Variants in SLC4A4 observed in about 807,000 individuals in gnomAD.
The protein encoded by SLC4A4 is solute carrier family 4 member 4, also known as electrogenic sodium bicarbonate cotransporter 1.
In SLC4A4, 27 loss-of-function variants were observed where a neutral mutation model predicts 111.5. That is an observed-to-expected ratio of 0.24 (90% CI 0.18 to 0.33). The LOEUF is 0.33. Among genes scored for constraint, SLC4A4 ranks in the 10% least tolerant of loss-of-function variants. The pLI is 1.00. For synonymous variants in SLC4A4, 443 were observed against 463.4 expected (o/e 0.96, Z 0.57); for missense variants, 909 against 1,315.5 (o/e 0.69, Z 4.78).
upstream of SLC4A4, among the ~76,000 whole-genome samples, chr4:71,184,642 C>T (rs931472638): frequency 1.3e-5 from 2 of 152,040 alleles, no homozygotes; most frequent in African/African-American, 4.8e-5. Flanking sequence ...CTGTGTGAAC[C>T]CCAAGACAAA....
intron 7 of SLC4A4, among the ~76,000 whole-genome samples, chr4:71,421,270 C>G (rs1443007732): frequency 6.6e-6 from 1 of 152,148 alleles, no homozygotes; most frequent in East Asian, 1.9e-4. Context: ...GAGATTAATT[C>G]AACAAGAAGA....
At chr4:71,529,259 A>T (rs1733709090) in intron 16 of SLC4A4, among the ~76,000 whole-genome samples, 1 of 152,146 alleles carries the variant, frequency 6.6e-6, no homozygotes, top group Non-Finnish European at 1.5e-5. Flanking sequence ...TTTGCATAGT[A>T]AAATTCACAG....
At chr4:71,121,780 C>G (rs28455161) in intron 2 of SLC4A4, among the ~76,000 whole-genome samples, 1 of 152,180 alleles carries the variant, frequency 6.6e-6, no homozygotes, top group Non-Finnish European at 1.5e-5. Context: ...TCACCTTCCA[C>G]GTTGTGGAAG....
intron 1 of SLC4A4, among the ~76,000 whole-genome samples, chr4:71,202,253 G>A (rs1280831617): frequency 1.3e-5 from 2 of 152,112 alleles, no homozygotes; most frequent in Non-Finnish European, 2.9e-5. Flanking sequence ...TAGAAATTTG[G>A]TTTTGATTCA....
At chr4:71,212,553 A>G (rs113766615) in intron 1 of SLC4A4, among the ~76,000 whole-genome samples, 8,315 of 152,286 alleles carry the variant, frequency 0.055, 761 homozygotes, top group African/African-American at 0.19. Context: ...AATCCACAGG[A>G]CAGAGGCACA....
chr4:71,401,743 G>C (rs989949951), intron 7 of SLC4A4, among the ~76,000 whole-genome samples: 1 of 152,122 alleles, frequency 6.6e-6, no homozygotes, highest in African/African-American at 2.4e-5. Flanking sequence ...GTGCTTAGTG[G>C]TGCAATGGCT....
chr4:71,427,393 T>C (rs1021053516), intron 7 of SLC4A4, among the ~76,000 whole-genome samples: 1 of 152,128 alleles, frequency 6.6e-6, no homozygotes, highest in Non-Finnish European at 1.5e-5. Flanking sequence ...GTCAATGATA[T>C]AATATTTTTA....
At chr4:71,511,879 G>A (rs527850244) in intron 16 of SLC4A4, among the ~76,000 whole-genome samples, 17 of 152,036 alleles carry the variant, frequency 1.1e-4, no homozygotes, top group East Asian at 3.9e-4. Context: ...ATGTCTTTCC[G>A]TGCCTGACTT....
intron 2 of SLC4A4, among the ~76,000 whole-genome samples, chr4:71,095,219 C>T (rs1742507430): frequency 6.6e-6 from 1 of 152,154 alleles, no homozygotes; most frequent in South Asian, 2.1e-4. Context: ...ACCTAGAAAA[C>T]TGTAAGTAAA....
chr4:71,137,830 A>G (rs977777057), intron 2 of SLC4A4, among the ~76,000 whole-genome samples: 1 of 152,194 alleles, frequency 6.6e-6, no homozygotes, highest in African/African-American at 2.4e-5. Context: ...TTTTGCTCAC[A>G]AGTATAAAGA....
intron 7 of SLC4A4, among the ~76,000 whole-genome samples, chr4:71,421,703 C>T (rs1462324486): frequency 6.6e-6 from 1 of 152,194 alleles, no homozygotes; most frequent in Non-Finnish European, 1.5e-5. Context: ...CCCTCAACTT[C>T]ATGGAAACTG....
chr4:71,280,416 T>C (rs1429764862), intron 3 of SLC4A4, among the ~76,000 whole-genome samples: 1 of 152,242 alleles, frequency 6.6e-6, no homozygotes, highest in African/African-American at 2.4e-5. Flanking sequence ...GTCCCATGTA[T>C]TTATTTTTGC....
At chr4:71,339,194 G>A in intron 3 of SLC4A4, 176 bp from the exon 4 acceptor site, 1 of 1,614,026 alleles carries the variant, frequency 6.2e-7, no homozygotes, top group Non-Finnish European at 8.5e-7. Context: ...AATAGAGAAG[G>A]GCTTTGATTT....
At chr4:71,472,561 C>A in intron 13 of SLC4A4, 138 bp from the exon 14 acceptor site, 1 of 831,068 alleles carries the variant, frequency 1.2e-6, no homozygotes, top group Admixed American at 2.3e-5. Context: ...TGCTTTCTGG[C>A]TAAAGTAGAG....
At chr4:71,179,079 T>C (rs565983504) in intron 2 of SLC4A4, among the ~76,000 whole-genome samples, 5 of 152,280 alleles carry the variant, frequency 3.3e-5, no homozygotes, top group South Asian at 4.1e-4. Flanking sequence ...TAATCCAGCA[T>C]ATAAACAGAA....
At chr4:71,281,048 G>A (rs1355134677) in intron 3 of SLC4A4, among the ~76,000 whole-genome samples, 1 of 152,128 alleles carries the variant, frequency 6.6e-6, no homozygotes, top group Non-Finnish European at 1.5e-5. Context: ...TTGAGCAGCT[G>A]AATCTTTACA....
At chr4:71,297,223 G>C (rs1724862618) in intron 3 of SLC4A4, among the ~76,000 whole-genome samples, 1 of 152,136 alleles carries the variant, frequency 6.6e-6, no homozygotes, top group Non-Finnish European at 1.5e-5. Context: ...ACTGTGCCCT[G>C]CCCAGAGGCA....
intron 2 of SLC4A4, among the ~76,000 whole-genome samples, chr4:71,125,538 C>T (rs1171107067): frequency 2.6e-5 from 4 of 152,166 alleles, no homozygotes; most frequent in African/African-American, 4.8e-5. Context: ...CCAGCCTGGG[C>T]GACAGAGCCA....
At chr4:71,529,945 A>G (rs554566799) in intron 16 of SLC4A4, among the ~76,000 whole-genome samples, 2 of 152,198 alleles carry the variant, frequency 1.3e-5, no homozygotes, top group South Asian at 2.1e-4. Context: ...ACTTCCTGAC[A>G]TACTCCTGAA....
Sources: allele counts gnomAD v4.1 joint callset (sites outside exome capture counted in the v4.1 genomes callset), GRCh38; gene constraint gnomAD v4.1.1; transcripts MANE v1.5; gene names NCBI Gene and HGNC (gene_info 2026-07-23, HGNC 2026-07-21).